FNDC3B: variants seen among roughly 807,000 people sequenced by gnomAD.
FNDC3B encodes fibronectin type III domain-containing protein 3B.
A neutral mutation model predicts 151.5 loss-of-function variants in FNDC3B; 12 were observed. The observed-to-expected ratio is 0.08, with a 90% CI of 0.05 to 0.13. The LOEUF is 0.13. Ranked by LOEUF, FNDC3B falls within the 10% of genes least tolerant of loss-of-function variation. The probability of loss-of-function intolerance (pLI) is 1.00; values close to 1 mark genes in which losing one functional copy is unlikely to be tolerated. For synonymous variants in FNDC3B, 528 were observed against 549.0 expected (o/e 0.96, Z 0.54); for missense variants, 1,214 against 1,505.3 (o/e 0.81, Z 3.20).
chr3:172,294,057 A>AATAGCCTTTAGACAGTT (rs1265505110), intron 7 of FNDC3B, among the ~76,000 whole-genome samples: 2 of 152,348 alleles, frequency 1.3e-5, no homozygotes, highest in Non-Finnish European at 2.9e-5. Context: ...ATAGCAATAG[A>AATAGCCTTTAGACAGTT]ATAGCCTTTA....
At chr3:172,176,302 G>A (rs934157989) in intron 3 of FNDC3B, among the ~76,000 whole-genome samples, 1 of 152,210 alleles carries the variant, frequency 6.6e-6, no homozygotes, top group African/African-American at 2.4e-5. Context: ...AGCTAAGAGA[G>A]ACGAGTATAG....
At chr3:172,081,575 C>T (rs1460379422) in intron 1 of FNDC3B, among the ~76,000 whole-genome samples, 1 of 152,190 alleles carries the variant, frequency 6.6e-6, no homozygotes, top group Non-Finnish European at 1.5e-5. Flanking sequence ...TCCATACATA[C>T]ATTTCAAAAT....
At chr3:172,083,041 G>T (rs1341014035) in intron 1 of FNDC3B, among the ~76,000 whole-genome samples, 1 of 152,214 alleles carries the variant, frequency 6.6e-6, no homozygotes, top group East Asian at 1.9e-4. Context: ...GTTTGCAAGT[G>T]TGGTGTGTAA....
chr3:172,380,072 TCTTC>T (rs1241092334), intron 24 of FNDC3B, among the ~76,000 whole-genome samples: 6 of 74,550 alleles, frequency 8.0e-5, no homozygotes, highest in Non-Finnish European at 2.2e-4. Context: ...CTTTTCTTCT[TCTTC>T]TTTTTTTTTA....
rs1576772616 is a variant in FNDC3B at position 172,182,628 on chromosome 3, A to G, written c.188-44243A>G. Among the ~76,000 whole-genome samples, 3 of 152,354 alleles carry G rather than the reference A, an allele frequency of 2.0e-5. No homozygotes were observed. In the South Asian group the frequency reaches 6.2e-4, roughly 32 times the overall value. ...GTGCTTCTCTGCTGCAGTCAAGTCC[A>G]GACTGCAAGAACCTGTTAAACGCAG... On this transcript the variant is annotated intron_variant, in intron 3 of 25. Transcript: ENST00000415807.
intron 17 of FNDC3B, among the ~76,000 whole-genome samples, chr3:172,342,048 G>T (rs1251952189): frequency 6.6e-6 from 1 of 152,244 alleles, no homozygotes; most frequent in Non-Finnish European, 1.5e-5. Context: ...GAGAAGGAGA[G>T]ATGGTGGCTT....
chr3:172,114,953 T>C (rs1004619693), intron 2 of FNDC3B, among the ~76,000 whole-genome samples: 2 of 152,206 alleles, frequency 1.3e-5, no homozygotes, highest in Admixed American at 1.3e-4. Flanking sequence ...ACATCCTTGG[T>C]TCCAAGCTAT....
At chr3:172,382,545 G>A (rs1329693825) in intron 25 of FNDC3B, among the ~76,000 whole-genome samples, 1 of 152,186 alleles carries the variant, frequency 6.6e-6, no homozygotes, top group African/African-American at 2.4e-5. Context: ...CTTTACCCAT[G>A]CCTATGTTCC....
chr3:172,177,237 CTGTTAAGTATTCGGATTCCTG>C (rs1723641851), intron 3 of FNDC3B, among the ~76,000 whole-genome samples: 1 of 152,192 alleles, frequency 6.6e-6, no homozygotes, highest in African/African-American at 2.4e-5. Flanking sequence ...ATCTTTGTTA[CTGTTAAGTATTCGGATTCCTG>C]GGCCTAATGC....
intron 1 of FNDC3B, among the ~76,000 whole-genome samples, chr3:172,041,425 CCTTCCTTCCT>C (rs1716060157): frequency 8.7e-6 from 1 of 115,182 alleles, no homozygotes; most frequent in Non-Finnish European, 1.6e-5. Context: ...TTCCTTCCTT[CCTTCCTTCCT>C]TCCTTCCTTC....
chr3:172,231,578 T>C (rs963658589), intron 4 of FNDC3B, among the ~76,000 whole-genome samples: 3 of 152,218 alleles, frequency 2.0e-5, no homozygotes, highest in Admixed American at 2.0e-4. Context: ...ATGGTGATGG[T>C]AACTACTATG....
chr3:172,108,516 G>C (rs1025220477), intron 1 of FNDC3B, among the ~76,000 whole-genome samples: 2 of 152,168 alleles, frequency 1.3e-5, no homozygotes, highest in Non-Finnish European at 2.9e-5. Flanking sequence ...CAGCTGAGTT[G>C]AGCCACCCTG....
chr3:172,257,626 C>T (rs1198332638), intron 6 of FNDC3B, among the ~76,000 whole-genome samples: 1 of 151,418 alleles, frequency 6.6e-6, no homozygotes, highest in Non-Finnish European at 1.5e-5. Context: ...TGAAAGCAGA[C>T]AGCACTAGAA....
At position 172,334,624 on chromosome 3, in the gene FNDC3B, T is replaced by C. The variant is rs1156776188; in HGVS notation, c.1642-320T>C. Among the ~76,000 whole-genome samples, 6 of 152,268 alleles carry C rather than the reference T, an allele frequency of 3.9e-5. No homozygotes were observed. The East Asian group carries it at 1.2e-3, about 29-fold the overall frequency. On this transcript the variant is annotated intron_variant, in intron 14 of 25. Transcript: ENST00000415807. ...CGCCCAGCTAATTTTGTACTTTTAG[T>C]AGAGATGGGGTTTCTCCATGTTGGT...
chr3:172,294,211 G>C (rs1730477934), intron 7 of FNDC3B, among the ~76,000 whole-genome samples: 2 of 152,174 alleles, frequency 1.3e-5, no homozygotes, highest in African/African-American at 4.8e-5. Context: ...AGGAAGCCCT[G>C]GTTAGAGACA....
intron 1 of FNDC3B, among the ~76,000 whole-genome samples, chr3:172,109,598 C>T (rs1305896225): frequency 2.0e-5 from 3 of 152,200 alleles, no homozygotes; most frequent in Non-Finnish European, 2.9e-5. Flanking sequence ...CCATGATCAA[C>T]GGTGTGACTG....
At position 172,134,725 on chromosome 3, in the gene FNDC3B, T is replaced by C. The variant is rs184139724; in HGVS notation, c.187+1179T>C. On this transcript the variant is annotated intron_variant, in intron 3 of 25. Coordinates refer to ENST00000415807, the MANE Select transcript of FNDC3B (RefSeq NM_022763.4). ...GCTAATGAGTTTTAATTGAAGTTAA[T>C]ATGAAATTATTTAATCACTTTTATT... Among the ~76,000 whole-genome samples the C allele has an allele frequency of 5.3e-5, 8 of 152,262 alleles. No individual in the cohort carries two copies. The East Asian group carries it at 1.2e-3, about 22-fold the overall frequency.
intron 1 of FNDC3B, among the ~76,000 whole-genome samples, chr3:172,091,455 A>C (rs1455054360): frequency 6.6e-6 from 1 of 152,228 alleles, no homozygotes; most frequent in Non-Finnish European, 1.5e-5. Context: ...GATGTATGAA[A>C]AAATATGATT....
intron 3 of FNDC3B, chr3:172,187,399 C>T (rs1405365313): frequency 3.3e-5 from 5 of 152,100 alleles, no homozygotes; most frequent in African/African-American, 9.7e-5. Flanking sequence ...GTAGGGGTGT[C>T]GTGAGTCCTG....
Sources: gnomAD v4.1 joint callset for allele counts (sites outside exome capture counted in the v4.1 genomes callset) on GRCh38, gnomAD v4.1.1 for gene constraint, MANE v1.5 for transcripts, NCBI Gene and HGNC (gene_info 2026-07-23, HGNC 2026-07-21) for gene names.